Variants in CFAP96 observed in about 807,000 individuals in gnomAD.
CFAP96 encodes the protein cilia and flagella associated protein 96.
chr4:185,426,869 C>A, the CFAP96 span, among the ~76,000 whole-genome samples: 3 of 111,434 alleles, frequency 2.7e-5, no homozygotes, highest in Non-Finnish European at 3.6e-5. Context: ...CCTGTCTCTA[C>A]TAAAAATACC....
chr4:185,421,837 C>T, the CFAP96 span, among the ~76,000 whole-genome samples: 2 of 152,318 alleles, frequency 1.3e-5, no homozygotes, highest in South Asian at 4.1e-4. Context: ...AACTATCACC[C>T]TTCAGAGACA....
chr4:185,444,824 G>T, the CFAP96 span: 1 of 690,208 alleles, frequency 1.4e-6, no homozygotes, highest in Non-Finnish European at 2.4e-6. Context: ...GAGACCTTTT[G>T]GTGGTATTTG....
At chr4:185,425,351 G>A in the CFAP96 span, among the ~76,000 whole-genome samples, 2 of 152,088 alleles carry the variant, frequency 1.3e-5, 1 homozygote, top group African/African-American at 4.8e-5. Flanking sequence ...ACGGTTAGCA[G>A]ATTTGTGGGT....
the CFAP96 span, among the ~76,000 whole-genome samples, chr4:185,426,863 T>A: frequency 9.0e-6 from 1 of 111,352 alleles, no homozygotes; most frequent in Admixed American, 1.1e-4. Flanking sequence ...GAAACCCCTG[T>A]CTCTACTAAA....
At chr4:185,413,012 T>C in the CFAP96 span, among the ~76,000 whole-genome samples, 6 of 152,122 alleles carry the variant, frequency 3.9e-5, no homozygotes, top group African/African-American at 1.2e-4. Context: ...CTCATTAGAC[T>C]TATCCTACAG....
chr4:185,443,320 G>GTATATATATATATATATATATATATATA, the CFAP96 span, among the ~76,000 whole-genome samples: 2 of 55,992 alleles, frequency 3.6e-5, no homozygotes, highest in African/African-American at 6.4e-5. Flanking sequence ...TATTTTTTAT[G>GTATATATATATATATATATATATATATA]TATATATATA....
the CFAP96 span, among the ~76,000 whole-genome samples, chr4:185,438,307 G>T: frequency 4.0e-5 from 6 of 151,444 alleles, no homozygotes; most frequent in African/African-American, 7.3e-5. Flanking sequence ...TTTCATTTTG[G>T]TTAGTTTTTA....
the CFAP96 span, among the ~76,000 whole-genome samples, chr4:185,412,969 G>A: frequency 6.6e-6 from 1 of 152,184 alleles, no homozygotes; most frequent in East Asian, 1.9e-4. Flanking sequence ...CCTGGCAACC[G>A]GGTATATGTT....
At chr4:185,418,952 A>C in the CFAP96 span, among the ~76,000 whole-genome samples, 2 of 152,220 alleles carry the variant, frequency 1.3e-5, no homozygotes, top group African/African-American at 4.8e-5. Context: ...TTCACAGACC[A>C]TCAAATTCAT....
At chr4:185,423,266 G>A in the CFAP96 span, among the ~76,000 whole-genome samples, 1 of 152,184 alleles carries the variant, frequency 6.6e-6, no homozygotes, top group African/African-American at 2.4e-5. Flanking sequence ...AATCTTGACA[G>A]GTTTAACAAT....
the CFAP96 span, chr4:185,426,065 C>T: frequency 1.6e-6 from 1 of 621,954 alleles, no homozygotes. Flanking sequence ...GGCGGGTAGC[C>T]GAAGACTTAT....
At chr4:185,447,714 T>C in the CFAP96 span, among the ~76,000 whole-genome samples, 1 of 152,198 alleles carries the variant, frequency 6.6e-6, no homozygotes, top group Admixed American at 6.5e-5. Flanking sequence ...TTCAGTAATA[T>C]AGTATCACTG....
At chr4:185,441,649 T>A in the CFAP96 span, among the ~76,000 whole-genome samples, 1 of 151,238 alleles carries the variant, frequency 6.6e-6, no homozygotes, top group South Asian at 2.1e-4. Flanking sequence ...CTACTAAAAA[T>A]TTAATTTCTT....
At chr4:185,439,013 G>A in the CFAP96 span, among the ~76,000 whole-genome samples, 8 of 152,236 alleles carry the variant, frequency 5.3e-5, no homozygotes, top group Non-Finnish European at 1.2e-4. Flanking sequence ...AACATTCTAG[G>A]GCAGGGGTTG....
the CFAP96 span, chr4:185,408,560 G>T: frequency 1.0e-6 from 1 of 989,776 alleles, no homozygotes; most frequent in Non-Finnish European, 1.5e-6. Flanking sequence ...TTATAAAAAT[G>T]CCTTCACAGA....
the CFAP96 span, among the ~76,000 whole-genome samples, chr4:185,411,435 A>G: frequency 6.6e-6 from 1 of 152,164 alleles, no homozygotes; most frequent in Non-Finnish European, 1.5e-5. Flanking sequence ...TAATAAAAAA[A>G]CAAAATAAGA....
At chr4:185,424,771 T>C in the CFAP96 span, among the ~76,000 whole-genome samples, 1 of 152,266 alleles carries the variant, frequency 6.6e-6, no homozygotes, top group African/African-American at 2.4e-5. Flanking sequence ...TGCTACTTAC[T>C]GTACAATTTT....
chr4:185,415,987 G>A, the CFAP96 span: 3 of 755,874 alleles, frequency 4.0e-6, no homozygotes, highest in Non-Finnish European at 6.0e-6. Context: ...GACTAGCCAA[G>A]TACAGTAGTG....
chr4:185,435,979 A>G, the CFAP96 span: 8 of 1,245,970 alleles, frequency 6.4e-6, no homozygotes, highest in Middle Eastern at 2.0e-4. Context: ...AAAAATTATG[A>G]TAAAATAGAC....
Sources: gnomAD v4.1 joint callset for allele counts (sites outside exome capture counted in the v4.1 genomes callset) on GRCh38, gnomAD v4.1.1 for gene constraint, MANE v1.5 for transcripts, NCBI Gene and HGNC (gene_info 2026-07-23, HGNC 2026-07-21) for gene names.